The following HSPA4 variants were observed in gnomAD, a reference collection of about 807,000 sequenced individuals.
HSPA4 encodes the protein heat shock protein family A (Hsp70) member 4.
A neutral mutation model predicts 106.2 loss-of-function variants in HSPA4; 25 were observed. The observed-to-expected ratio is 0.24, with a 90% CI of 0.17 to 0.33. HSPA4 has a LOEUF of 0.33. Among genes scored for constraint, HSPA4 ranks in the 10% least tolerant of loss-of-function variants. The pLI is 1.00. For synonymous variants in HSPA4, 332 were observed against 333.6 expected, an observed-to-expected ratio of 1.00 and a Z score of 0.05; for missense variants, 841 against 996.0, an observed-to-expected ratio of 0.84 and a Z score of 2.10.
chr5:133,089,593 G>A lies in HSPA4; in HGVS notation c.1276G>A (p.Ala426Thr). 1 of 1,612,888 alleles carries A rather than the reference G, an allele frequency of 6.2e-7. No individual in the cohort carries two copies. Among genetic ancestry groups the A allele is most frequent in the Non-Finnish European group, 8.5e-7 (1 of 1,179,220 alleles). The change falls in exon 11 of 19, where the codon GCT becomes ACT. Residue 426 changes from alanine to threonine, a missense_variant. By Grantham distance (58) the Ala-to-Thr change is moderately conservative. Transcript: ENST00000304858. Reference sequence around the variant, plus strand: ...TGAAGTCTTTTCCAAAAATCATGCTGCTCCTTTCTCTAAAGTTCTTACATT... The same window carrying A: ...TGAAGTCTTTTCCAAAAATCATGCTACTCCTTTCTCTAAAGTTCTTACATT... The part of the protein sequence containing the change: ...DCEVFSKNHA[A>T]PFSKVLTFYR...
intron 15 of HSPA4, among the ~76,000 whole-genome samples, chr5:133,099,220 C>T (rs1765755060): frequency 6.6e-6 from 1 of 152,164 alleles, no homozygotes; most frequent in Non-Finnish European, 1.5e-5. Context: ...ACCTCCGCCT[C>T]CTGAGTTCAG....
intron 7 of HSPA4, among the ~76,000 whole-genome samples, chr5:133,085,457 G>A (rs1342871893): frequency 2.2e-5 from 3 of 138,582 alleles, no homozygotes; most frequent in African/African-American, 3.0e-5. Context: ...TTCAAGACCA[G>A]CCTGACCAAC....
At chr5:133,058,460 C>T (rs749207454) in intron 1 of HSPA4, among the ~76,000 whole-genome samples, 1 of 152,048 alleles carries the variant, frequency 6.6e-6, no homozygotes, top group Non-Finnish European at 1.5e-5. Flanking sequence ...GGCGGGTCGC[C>T]TGAAGTCAGG....
At chr5:133,085,151 T>C (rs1354276571) in intron 7 of HSPA4, among the ~76,000 whole-genome samples, 1 of 152,142 alleles carries the variant, frequency 6.6e-6, no homozygotes, top group East Asian at 1.9e-4. Context: ...AAATTTTTTT[T>C]TTTTTAGTAT....
At position 133,103,957 on chromosome 5, in the gene HSPA4, T is replaced by A; in HGVS notation, c.2250T>A (p.Asn750Lys). 1 of 1,613,980 alleles carries A rather than the reference T, an allele frequency of 6.2e-7. No individual in the cohort carries two copies. The highest frequency in any genetic ancestry group is 1.6e-4 in the Middle Eastern group (1 of 6,062). The change falls in exon 18 of 19, where the codon AAT (asparagine) becomes AAA (lysine). Residue 750 changes from asparagine to lysine, a missense_variant. This residue lies in a region of HSPA4 where 328 missense variants were observed against 372.2 expected (regional missense o/e 0.88). Transcript: ENST00000304858. The part of the protein sequence containing the change: ...EAMEWMNNKL[N>K]LQNKQSLTMD... ...TGGAGTGGATGAATAACAAGCTAAA[T>A]CTGCAGAACAAGCAGAGTTTGACCA...
At chr5:133,090,804 T>C (rs575376369) in intron 11 of HSPA4, among the ~76,000 whole-genome samples, 1 of 152,228 alleles carries the variant, frequency 6.6e-6, no homozygotes, top group Non-Finnish European at 1.5e-5. Flanking sequence ...GACCTAGAAA[T>C]GGCAATTTAC....
intron 6 of HSPA4, 105 bp from the exon 7 acceptor site, chr5:133,076,549 C>T: frequency 1.0e-6 from 1 of 973,952 alleles, no homozygotes; most frequent in Non-Finnish European, 1.5e-6. Flanking sequence ...CTTAATGTAA[C>T]CCTCCCTCTT....
intron 1 of HSPA4, among the ~76,000 whole-genome samples, chr5:133,064,293 G>T (rs1765281067): frequency 6.6e-6 from 1 of 152,176 alleles, no homozygotes. Flanking sequence ...ATCATCTGAG[G>T]TCAGGAGTTC....
chr5:133,053,721 A>T (rs1200455825), intron 1 of HSPA4, among the ~76,000 whole-genome samples: 2 of 151,560 alleles, frequency 1.3e-5, no homozygotes, highest in African/African-American at 4.9e-5. Flanking sequence ...GTGCAGTGGC[A>T]TGCTCTCGGC....
Position 133,104,334 on chromosome 5 carries a change from T to G in HSPA4, c.2421T>G (p.Asp807Glu). ...ATGCAGAGCAGAATGGACCAGTGGATGGACAAGGAGACAACCCAGGCCCCC... is the reference window on the plus strand; with the variant it reads ...ATGCAGAGCAGAATGGACCAGTGGAGGGACAAGGAGACAACCCAGGCCCCC... ...QKNAEQNGPV[D>E]GQGDNPGPQA... Residue 807 changes from aspartate to glutamate, a missense_variant, in exon 19 of 19, where the codon GAT (aspartate) becomes GAG (glutamate). Transcript: ENST00000304858. 6.2e-7 allele frequency: 1 copy of G among 1,614,154 alleles called. No individual in the cohort carries two copies. The highest frequency in any genetic ancestry group is 8.5e-7 in the Non-Finnish European group (1 of 1,180,016).
At chr5:133,094,377 A>G (rs1026393805) in intron 13 of HSPA4, among the ~76,000 whole-genome samples, 3 of 152,264 alleles carry the variant, frequency 2.0e-5, no homozygotes, top group African/African-American at 7.2e-5. Context: ...ACAGAACCTT[A>G]AAGTGGCTTA....
At chr5:133,089,473 C>A (rs761548785) in intron 10 of HSPA4, 89 bp from the exon 11 acceptor site, 52 of 1,144,764 alleles carry the variant, frequency 4.5e-5, no homozygotes, top group Non-Finnish European at 6.1e-5. Flanking sequence ...GAGAAACTAA[C>A]ACTGTACAAT....
intron 1 of HSPA4, among the ~76,000 whole-genome samples, chr5:133,063,953 G>T (rs1417531447): frequency 6.6e-6 from 1 of 151,496 alleles, no homozygotes; most frequent in Non-Finnish European, 1.5e-5. Flanking sequence ...GTAGGGACAG[G>T]GTTTCACCAT....
At chr5:133,078,756 C>T (rs765992149) in intron 7 of HSPA4, among the ~76,000 whole-genome samples, 10 of 151,542 alleles carry the variant, frequency 6.6e-5, no homozygotes, top group Non-Finnish European at 1.3e-4. Context: ...TTTTTTGAGA[C>T]AGGATCTTAC....
chr5:133,076,606 C>G (rs771432433), intron 6 of HSPA4, 48 bp from the exon 7 acceptor site: 9 of 1,551,386 alleles, frequency 5.8e-6, no homozygotes, highest in Non-Finnish European at 7.0e-6. Context: ...TCATCTGTTT[C>G]AAAATCGATT....
At chr5:133,092,668 A>G (rs910833160) in intron 12 of HSPA4, 32 bp from the exon 13 acceptor site, 3 of 1,411,980 alleles carry the variant, frequency 2.1e-6, no homozygotes, top group Middle Eastern at 1.8e-4. Context: ...TAGTCTTCCT[A>G]ATTGCAGGAT....
At chr5:133,054,559 G>A (rs1322980229) in intron 1 of HSPA4, among the ~76,000 whole-genome samples, 1 of 152,070 alleles carries the variant, frequency 6.6e-6, no homozygotes, top group Non-Finnish European at 1.5e-5. Flanking sequence ...TGAAGTGATC[G>A]TTTTTAGTGT....
chr5:133,055,412 TGA>T (rs1765148906), intron 1 of HSPA4, among the ~76,000 whole-genome samples: 1 of 146,596 alleles, frequency 6.8e-6, no homozygotes, highest in South Asian at 2.2e-4. Flanking sequence ...TGTTTTAACA[TGA>T]GAGTGGAAAT....
At chr5:133,068,770 A>G (rs1033714409) in intron 3 of HSPA4, among the ~76,000 whole-genome samples, 4 of 145,488 alleles carry the variant, frequency 2.7e-5, no homozygotes, top group African/African-American at 1.1e-4. Flanking sequence ...AATAAGAAAT[A>G]AAGAAATAGG....
Sources: gnomAD v4.1 joint callset for allele counts (sites outside exome capture counted in the v4.1 genomes callset) on GRCh38, gnomAD v4.1.1 for gene constraint, gnomAD v4.1.1 regional missense constraint, MANE v1.5 for transcripts, NCBI Gene and HGNC (gene_info 2026-07-23, HGNC 2026-07-21) for gene names.